Variants in TMF1 observed in about 807,000 individuals in gnomAD.
The protein encoded by TMF1 is TATA element modulatory factor 1.
Under a neutral mutation model 126.5 loss-of-function variants are expected in TMF1, and 71 were observed. The ratio of observed to expected loss-of-function variants is 0.56; its 90% CI spans 0.46 to 0.68. The LOEUF (loss-of-function observed/expected upper bound fraction) is 0.68. TMF1 is among the 30% of genes least tolerant of loss of function. The probability of loss-of-function intolerance (pLI) is 0.00; values close to 1 mark genes in which losing one functional copy is unlikely to be tolerated. For missense variants in TMF1, 1,259 were observed against 1,253.2 expected, an observed-to-expected ratio of 1.00 and a Z score of -0.07; for synonymous variants, 461 against 430.5, an observed-to-expected ratio of 1.07 and a Z score of -0.88.
At chr3:69,036,128 T>C (rs1455959592) in intron 8 of TMF1, among the ~76,000 whole-genome samples, 1 of 152,162 alleles carries the variant, frequency 6.6e-6, no homozygotes, top group Non-Finnish European at 1.5e-5. Flanking sequence ...TAATAAAGTA[T>C]TATAAAACTG....
In TMF1 at chr3:69,038,544, A is replaced by G. The variant is rs994233255; in HGVS notation, c.2151+20T>C. 2 of 1,605,684 alleles carry G rather than the reference A, an allele frequency of 1.2e-6. No homozygotes were observed. The highest frequency in any genetic ancestry group is 3.5e-5 in the Admixed American group (2 of 57,464). ...AACAAATATTTTTAAAACTACTCTA[A>G]TTCATCATCCATTGCTTACTTGAAT... On this transcript the variant is annotated intron_variant, in intron 8 of 16. Coordinates refer to ENST00000398559, the MANE Select transcript of TMF1 (RefSeq NM_007114.3).
In TMF1 at chr3:69,047,763, A is replaced by G. The variant is rs1259164157; in HGVS notation, c.942T>C (p.Thr314=). 6.2e-7 allele frequency: 1 copy of G among 1,613,992 alleles called. No individual in the cohort carries two copies. Among genetic ancestry groups the G allele is most frequent in the African/African-American group, 1.3e-5 (1 of 74,944 alleles). The change falls in exon 2 of 17, where the codon ACT becomes ACC. Residue 314 remains threonine, a synonymous_variant. Transcript: ENST00000398559. ...YNRLDDFQKL[T]ESCCSSDAFE... ...AAGCATCAGATGAACAGCAACTCTC[A>G]GTGAGTTTTTGGAAATCATCTAAAC...
rs780112508 is a variant in TMF1, at chr3:69,025,607, G to A, written c.2965C>T (p.Leu989=). ...MGAGSSIIEN[L]QSQLKLREGE... ...TCCCTTAGCTTTAGCTGAGACTGTA[G>A]GTTTTCAATTATGCTTGATCCTGCT... is the stretch of plus-strand genomic sequence containing the variant. The change falls in exon 15 of 17, where the codon CTA becomes TTA. Residue 989 remains leucine, a synonymous_variant. Transcript: ENST00000398559. 1.9e-6 allele frequency: 3 copies of A among 1,613,926 alleles called. No individual in the cohort carries two copies. Among genetic ancestry groups the A allele is most frequent in the Non-Finnish European group, 2.5e-6 (3 of 1,179,926 alleles).
At position 69,038,829 on chromosome 3, in the gene TMF1, G is replaced by T; in HGVS notation, c.1994+14C>A. ...TTCATTCTAAATGGGTTGCATATTT[G>T]TTCATTTTCTTACTTGTATGCACTA... On this transcript the variant is annotated intron_variant, in intron 7 of 16. Transcript: ENST00000398559. 4 of 1,582,154 alleles carry T rather than the reference G, an allele frequency of 2.5e-6. No individual in the cohort carries two copies. The South Asian group carries it at 4.6e-5, about 18-fold the overall frequency.
Position 69,021,513 on chromosome 3 carries a change from C to T in TMF1, c.*1664G>A, listed in dbSNP as rs771065230. The T allele has an allele frequency of 6.6e-6, 1 of 152,450 alleles. No homozygotes were observed. Among genetic ancestry groups the T allele is most frequent in the Non-Finnish European group, 1.5e-5 (1 of 68,008 alleles). 9.4% of individuals were successfully genotyped at this position (152,450 alleles called of 1,614,324 possible). A position where few individuals can be genotyped will look rare whatever the true frequency, so the allele number is the denominator to read the frequency against. On this transcript the variant is annotated 3_prime_UTR_variant, in exon 17 of 17. Transcript: ENST00000398559. ...CTCACACTGAAAGAATATTTATTAA[C>T]ACTACCAATCAGAGATCCAATGACA... is the stretch of plus-strand genomic sequence containing the variant.
Position 69,035,122 on chromosome 3 carries a change from G to A in TMF1, c.2152-7C>T, listed in dbSNP as rs747472805. 1.1e-5 allele frequency: 17 copies of A among 1,611,368 alleles called. 1 individual carries two copies. The South Asian group carries it at 1.1e-4, about 10-fold the overall frequency. On this transcript the variant is annotated splice_region_variant and splice_polypyrimidine_tract_variant and intron_variant, in intron 8 of 16. Coordinates refer to ENST00000398559, the MANE Select transcript of TMF1 (RefSeq NM_007114.3). ...CAAGCCTAAGGTCCCCCACCTGTAG[G>A]AGGAGAAACAATACATTCACAAACA... is the stretch of plus-strand genomic sequence containing the variant.
chr3:69,032,667 G>A (rs575739572), intron 10 of TMF1, among the ~76,000 whole-genome samples: 25 of 145,282 alleles, frequency 1.7e-4, no homozygotes, highest in Admixed American at 1.3e-3. Flanking sequence ...CTGGAGTGCT[G>A]TAGCGCAATC....
At chr3:69,044,870 T>C (rs1473756886) in intron 2 of TMF1, among the ~76,000 whole-genome samples, 1 of 152,204 alleles carries the variant, frequency 6.6e-6, no homozygotes, top group Non-Finnish European at 1.5e-5. Context: ...TACATACTCT[T>C]TGATATAGAA....
chr3:69,050,399 C>T (rs2091920690), intron 1 of TMF1, among the ~76,000 whole-genome samples: 1 of 151,962 alleles, frequency 6.6e-6, no homozygotes, highest in Non-Finnish European at 1.5e-5. Flanking sequence ...ATATCCAAAC[C>T]AGAGAAAATC....
chr3:69,033,769 A>C, intron 9 of TMF1, 65 bp from the exon 10 acceptor site: 1 of 1,396,612 alleles, frequency 7.2e-7, no homozygotes, highest in Non-Finnish European at 9.6e-7. Flanking sequence ...ACACTAGCAA[A>C]CCTGAACTTT....
At chr3:69,042,346 T>C in intron 5 of TMF1, 1 of 455,966 alleles carries the variant, frequency 2.2e-6, no homozygotes, top group Non-Finnish European at 4.4e-6. Context: ...CCAACCCTGT[T>C]TATTTTAAAT....
Position 69,047,927 on chromosome 3 carries a change from C to T in TMF1, c.778G>A (p.Glu260Lys), listed in dbSNP as rs2091905169. ...SSGTSTTSDI[E>K]VLDHESVISE... ...ATTACACTTTCATGATCTAAAACTTCAATATCACTGGTGGTAGAAGTACCT... is the reference window on the plus strand; with the variant it reads ...ATTACACTTTCATGATCTAAAACTTTAATATCACTGGTGGTAGAAGTACCT... The change falls in exon 2 of 17, where the codon GAA becomes AAA. Residue 260 changes from glutamate to lysine, a missense_variant. By Grantham distance (56) the Glu-to-Lys change is moderately conservative (BLOSUM62 1). Transcript: ENST00000398559. 1 of 1,613,748 alleles carries T rather than the reference C, an allele frequency of 6.2e-7. No homozygotes were observed. Among genetic ancestry groups the T allele is most frequent in the African/African-American group, 1.3e-5 (1 of 74,900 alleles).
intron 6 of TMF1, 36 bp from the exon 7 acceptor site, chr3:69,039,045 A>G: frequency 7.1e-7 from 1 of 1,408,430 alleles, no homozygotes; most frequent in Non-Finnish European, 9.6e-7. Flanking sequence ...GTATTTTTCA[A>G]GAAATAATAC....
chr3:69,023,957 C>T, intron 16 of TMF1, 98 bp downstream of exon 16: 1 of 1,185,250 alleles, frequency 8.4e-7, no homozygotes. Context: ...CTTTAATTTT[C>T]AAATAAATCA....
rs2091765199 is a variant in TMF1 at position 69,026,006 on chromosome 3, A to G, written c.2849T>C (p.Phe950Ser). 1 of 1,610,848 alleles carries G rather than the reference A, an allele frequency of 6.2e-7. No individual in the cohort carries two copies. Among genetic ancestry groups the G allele is most frequent in the Non-Finnish European group, 8.5e-7 (1 of 1,177,512 alleles). ...GVDMAGLQTSFLSQDESHDHS... is the reference protein window; with the variant it reads ...GVDMAGLQTSSLSQDESHDHS... ...AAAATAAAACATCACCTGAGACAGA[A>G]AAGATGTCTGTAGTCCTGCCATATC... Residue 950 changes from phenylalanine (F) to serine (S), a missense_variant, in exon 14 of 17, where the codon TTT (phenylalanine) becomes TCT (serine). Physicochemically the swap from Phe to Ser is radical, Grantham distance 155. Transcript: ENST00000398559.
chr3:69,024,510 G>A (rs2091756017), intron 15 of TMF1: 1 of 168,600 alleles, frequency 5.9e-6, no homozygotes, highest in Non-Finnish European at 1.3e-5. Flanking sequence ...AGAACCCAGA[G>A]AAATAAAAAT....
chr3:69,028,345 G>T (rs755728031), intron 11 of TMF1, 50 bp from the exon 12 acceptor site: 4 of 1,284,132 alleles, frequency 3.1e-6, no homozygotes, highest in Non-Finnish European at 4.5e-6. Context: ...AAAGATGCTA[G>T]TATAGACTAT....
Position 69,029,928 on chromosome 3 carries a change from C to T in TMF1, c.2481G>A (p.Gln827=). The change falls in exon 11 of 17, where the codon CAG becomes CAA. Residue 827 remains glutamine, a synonymous_variant. Coordinates refer to ENST00000398559, the MANE Select transcript of TMF1 (RefSeq NM_007114.3). ...ATEELLANKI[Q]MSSMESQNSL... is the part of the protein sequence containing the mutation. ...AATTCTGTGACTCCATGGAAGACAT[C>T]TGAATTTTGTTAGCAAGGAGTTCTT... 1 of 1,614,146 alleles carries T rather than the reference C, an allele frequency of 6.2e-7. No individual in the cohort carries two copies. The highest frequency in any genetic ancestry group is 8.5e-7 in the Non-Finnish European group (1 of 1,180,014).
chr3:69,036,942 T>C (rs1167932873), intron 8 of TMF1, among the ~76,000 whole-genome samples: 1 of 151,790 alleles, frequency 6.6e-6, no homozygotes, highest in East Asian at 1.9e-4. Context: ...TTGTTAAAAT[T>C]AAAACCTTTT....
Sources: gnomAD v4.1 joint callset for allele counts (sites outside exome capture counted in the v4.1 genomes callset) on GRCh38, gnomAD v4.1.1 for gene constraint, MANE v1.5 for transcripts, NCBI Gene and HGNC (gene_info 2026-07-23, HGNC 2026-07-21) for gene names.